The following POC1B variants were observed in gnomAD, a reference collection of about 807,000 sequenced individuals.
POC1B encodes the protein POC1 centriolar protein homolog B.
In POC1B, 44 loss-of-function variants were observed where a neutral mutation model predicts 60.6. That is an observed-to-expected ratio of 0.73 (90% CI 0.57 to 0.93). POC1B has a LOEUF of 0.93. Among genes scored for constraint, POC1B ranks in the 40% least tolerant of loss-of-function variants. The pLI is 0.00. For synonymous variants in POC1B, 180 were observed against 198.9 expected, an observed-to-expected ratio of 0.90 and a Z score of 0.80; for missense variants, 555 against 572.3, an observed-to-expected ratio of 0.97 and a Z score of 0.31.
chr12:89,403,708 A>G, the POC1B span, among the ~76,000 whole-genome samples: 1 of 152,192 alleles, frequency 6.6e-6, no homozygotes, highest in Admixed American at 6.5e-5. Context: ...GCCATCTATC[A>G]TCCCTTAAAA....
At chr12:89,446,707 CTT>C (rs776057734) in intron 10 of POC1B, among the ~76,000 whole-genome samples, 6 of 149,744 alleles carry the variant, frequency 4.0e-5, no homozygotes, top group Non-Finnish European at 5.9e-5. Flanking sequence ...ATGTAACAAA[CTT>C]AAAGTGTAAT....
At position 89,457,377 on chromosome 12, in the gene POC1B, A is replaced by G. The variant is rs58752990; in HGVS notation, c.1113+2261T>C. 6.1e-3 allele frequency among the ~76,000 whole-genome samples: 926 copies of G among 152,332 alleles called. 12 individuals are homozygous for G. The highest frequency in any genetic ancestry group is 0.022 in the African/African-American group (897 of 41,576). On this transcript the variant is annotated intron_variant, in intron 10 of 11. Coordinates refer to ENST00000313546, the MANE Select transcript of POC1B (RefSeq NM_172240.3). ...AACCAATTATCTATCATTGAACTAA[A>G]AGAAAGAGATACACATTGAAAATTT...
At chr12:89,408,053 G>A in the POC1B span, among the ~76,000 whole-genome samples, 2 of 152,130 alleles carry the variant, frequency 1.3e-5, no homozygotes, top group Non-Finnish European at 2.9e-5. Flanking sequence ...GAGAACATGC[G>A]GTGTTTGGTT....
intron 2 of POC1B, chr12:89,523,362 A>G (rs759281457): frequency 5.0e-5 from 81 of 1,613,912 alleles, no homozygotes; most frequent in Non-Finnish European, 6.3e-5. Flanking sequence ...GAGGGTTTCT[A>G]TTGTAGAAGT....
intron 2 of POC1B, chr12:89,501,831 T>G: frequency 8.3e-7 from 1 of 1,199,924 alleles, no homozygotes; most frequent in Non-Finnish European, 1.2e-6. Flanking sequence ...AAAAAACTAT[T>G]CCACTTAAAA....
intron 3 of POC1B, chr12:89,496,941 A>G: frequency 2.1e-6 from 1 of 486,644 alleles, no homozygotes; most frequent in South Asian, 2.9e-5. Flanking sequence ...CCTCAAAAAA[A>G]CTTAGACATA....
At position 89,472,158 on chromosome 12, in the gene POC1B, G is replaced by C; in HGVS notation, c.560+10C>G. 1 of 1,511,070 alleles carries C rather than the reference G, an allele frequency of 6.6e-7. No homozygotes were observed. The highest frequency in any genetic ancestry group is 9.1e-7 in the Non-Finnish European group (1 of 1,095,924). The allele number at this position is 1,511,070 out of a possible 1,614,324, so 93.6% of individuals were successfully genotyped here. Reference sequence around the variant, plus strand: ...TAACCCACATAAATGCACAAAGAAAGTGTACTTACCCAACGGAATCTGAGA... The same window carrying C: ...TAACCCACATAAATGCACAAAGAAACTGTACTTACCCAACGGAATCTGAGA... On this transcript the variant is annotated intron_variant, in intron 5 of 11. Coordinates refer to ENST00000313546, the MANE Select transcript of POC1B (RefSeq NM_172240.3).
chr12:89,503,999 CT>C (rs1470435177), intron 2 of POC1B, among the ~76,000 whole-genome samples: 1 of 151,832 alleles, frequency 6.6e-6, no homozygotes. Context: ...GGGGGCGCCT[CT>C]GCCCGGCCGC....
At chr12:89,524,817 C>T in intron 2 of POC1B, 1 of 614,336 alleles carries the variant, frequency 1.6e-6, no homozygotes, top group South Asian at 2.0e-5. Context: ...ACCCCACCCT[C>T]CCCGGGCCGA....
At chr12:89,440,254 T>G (rs536865312) in intron 10 of POC1B, among the ~76,000 whole-genome samples, 1 of 152,230 alleles carries the variant, frequency 6.6e-6, no homozygotes, top group Non-Finnish European at 1.5e-5. Context: ...TTTCTTCCAC[T>G]CATTTGGGGT....
intron 11 of POC1B, 130 bp from the exon 12 acceptor site, chr12:89,421,387 A>T: frequency 2.9e-6 from 2 of 683,722 alleles, no homozygotes; most frequent in Non-Finnish European, 4.8e-6. Flanking sequence ...TGGCTCAAAA[A>T]TGAGCCCCAG....
the POC1B span, among the ~76,000 whole-genome samples, chr12:89,404,934 C>CT: frequency 2.0e-5 from 3 of 152,218 alleles, no homozygotes; most frequent in Non-Finnish European, 4.4e-5. Context: ...AAGTTTCTGA[C>CT]TCCTACCTCC....
rs970846299 is a variant in POC1B, at chr12:89,497,254, T to C, written c.189A>G (p.Val63=). 1.2e-6 allele frequency: 2 copies of C among 1,613,626 alleles called. No individual in the cohort carries two copies. Among genetic ancestry groups the C allele is most frequent in the Non-Finnish European group, 1.7e-6 (2 of 1,179,956 alleles). ...CATGTGGAGAAAACTGCACGCTGGT[T>C]ACAACATCCTTGTGACCCACATATC... ...AYRYVGHKDV[V]TSVQFSPHGN... Residue 63 remains valine, a synonymous_variant, in exon 3 of 12, where the codon GTA becomes GTG. Transcript: ENST00000313546.
intron 10 of POC1B, among the ~76,000 whole-genome samples, chr12:89,438,232 C>A (rs889753378): frequency 3.9e-5 from 6 of 151,900 alleles, no homozygotes; most frequent in Middle Eastern, 6.8e-3. Context: ...CCGAGGCGGG[C>A]GGATCACGAG....
At chr12:89,448,079 C>G (rs1019446588) in intron 10 of POC1B, among the ~76,000 whole-genome samples, 1 of 152,076 alleles carries the variant, frequency 6.6e-6, no homozygotes, top group Non-Finnish European at 1.5e-5. Flanking sequence ...TTCTTTTGAG[C>G]CTTGCCCCCA....
At chr12:89,408,687 C>T in the POC1B span, among the ~76,000 whole-genome samples, 1 of 152,118 alleles carries the variant, frequency 6.6e-6, no homozygotes, top group Admixed American at 6.5e-5. Flanking sequence ...CGGGGTTTCA[C>T]CATGTTATCC....
intron 2 of POC1B, chr12:89,523,758 A>C: frequency 6.5e-7 from 1 of 1,541,336 alleles, no homozygotes; most frequent in South Asian, 1.3e-5. Context: ...TATAGAATTC[A>C]AAAGTATTCC....
chr12:89,441,992 A>G (rs1356825517), intron 10 of POC1B, among the ~76,000 whole-genome samples: 2 of 152,256 alleles, frequency 1.3e-5, no homozygotes, highest in African/African-American at 4.8e-5. Flanking sequence ...GATTCAATCA[A>G]GTGGAAGAAA....
intron 9 of POC1B, 177 bp from the exon 10 acceptor site, chr12:89,459,895 C>A: frequency 4.2e-6 from 2 of 475,778 alleles, no homozygotes; most frequent in Non-Finnish European, 7.5e-6. Context: ...ATTCTATCAA[C>A]GTATAAGAAA....
Sources: allele counts gnomAD v4.1 joint callset (sites outside exome capture counted in the v4.1 genomes callset), GRCh38; gene constraint gnomAD v4.1.1; transcripts MANE v1.5; gene names NCBI Gene and HGNC (gene_info 2026-07-23, HGNC 2026-07-21).